SNURF: variants seen among roughly 807,000 people sequenced by gnomAD.
SNURF encodes SNRPN upstream open reading frame, also known as SNURF protein.
Under a neutral mutation model 11.6 loss-of-function variants are expected in SNURF, and 6 were observed. The ratio of observed to expected loss-of-function variants is 0.52; its 90% CI spans 0.28 to 1.02. SNURF has a LOEUF of 1.02. Among genes scored for constraint, SNURF ranks in the 50% least tolerant of loss-of-function variants. The pLI, the probability that SNURF is intolerant of heterozygous loss-of-function variation, is 0.09. For synonymous variants in SNURF, 29 were observed against 31.6 expected, an observed-to-expected ratio of 0.92 and a Z score of 0.27; for missense variants, 84 against 88.4, an observed-to-expected ratio of 0.95 and a Z score of 0.20.
chr15:24,965,426 A>T (rs890947331), intron 2 of SNURF, among the ~76,000 whole-genome samples: 3 of 152,274 alleles, frequency 2.0e-5, no homozygotes, highest in Non-Finnish European at 4.4e-5. Flanking sequence ...AATCCCAGCT[A>T]CTCAGGAGGC....
downstream of SNURF, among the ~76,000 whole-genome samples, chr15:24,972,430 T>C (rs576018728): frequency 1.3e-5 from 2 of 152,284 alleles, no homozygotes; most frequent in South Asian, 4.1e-4. Context: ...GGTCTTTGTT[T>C]GCTTATTTGA....
At chr15:24,957,778 A>G (rs527696853) in intron 1 of SNURF, among the ~76,000 whole-genome samples, 2 of 151,908 alleles carry the variant, frequency 1.3e-5, no homozygotes, top group Non-Finnish European at 2.9e-5. Context: ...TCACATACAT[A>G]TATTTCTTGG....
exon 5 of SNURF, chr15:24,976,387 A>G (rs1191278193): frequency 6.2e-7 from 1 of 1,612,558 alleles, no homozygotes; most frequent in Non-Finnish European, 8.5e-7. Context: ...CTTGGTATCC[A>G]TGACTGTGGA....
intron 1 of SNURF, among the ~76,000 whole-genome samples, chr15:24,955,569 C>G (rs1451087639): frequency 6.8e-6 from 1 of 147,096 alleles, no homozygotes; most frequent in East Asian, 2.0e-4. Flanking sequence ...ATAATAGTGA[C>G]CACTGCGTGG....
At chr15:24,974,137 G>A (rs1215326811) in intron 3 of SNURF, among the ~76,000 whole-genome samples, 1 of 152,240 alleles carries the variant, frequency 6.6e-6, no homozygotes, top group Non-Finnish European at 1.5e-5. Context: ...TGTGTCAAAT[G>A]TGAGAGTTAA....
At chr15:24,966,674 AAGGATGTAT>A (rs1164867114) in intron 2 of SNURF, among the ~76,000 whole-genome samples, 27 of 152,188 alleles carry the variant, frequency 1.8e-4, no homozygotes, top group African/African-American at 5.8e-4. Context: ...GGTAAATTCC[AAGGATGTAT>A]AGGATGTATA....
chr15:24,974,836 G>T (rs1017845484), intron 3 of SNURF: 1 of 686,486 alleles, frequency 1.5e-6, no homozygotes, highest in Non-Finnish European at 2.7e-6. Context: ...TGGGATTACA[G>T]GCATGAGATG....
chr15:24,958,447 G>A (rs1484762045), intron 1 of SNURF, among the ~76,000 whole-genome samples: 3 of 136,284 alleles, frequency 2.2e-5, no homozygotes, highest in Admixed American at 1.5e-4. Context: ...TACTACTTAA[G>A]GTAGCCTCTC....
downstream of SNURF, among the ~76,000 whole-genome samples, chr15:24,971,873 A>G (rs560205622): frequency 6.9e-4 from 105 of 152,208 alleles, no homozygotes; most frequent in Non-Finnish European, 1.2e-3. Context: ...TTTCATCACC[A>G]CAGTAAGATC....
downstream of SNURF, chr15:24,978,170 A>G (rs1359918712): frequency 6.2e-7 from 1 of 1,606,194 alleles, no homozygotes; most frequent in Middle Eastern, 1.7e-4. Context: ...TGAGGCCTTT[A>G]TTTCTACCAT....
intron 2 of SNURF, 68 bp from the exon 3 acceptor site, chr15:24,967,864 C>A: frequency 1.5e-5 from 15 of 1,034,012 alleles, no homozygotes; most frequent in East Asian, 2.9e-5. Flanking sequence ...ACCTAGTTTT[C>A]TTTCATATGG....
chr15:24,972,949 G>A (rs150427992), downstream of SNURF, among the ~76,000 whole-genome samples: 341 of 152,234 alleles, frequency 2.2e-3, no homozygotes, highest in African/African-American at 7.9e-3. Flanking sequence ...GTACAGTGGT[G>A]CCATCTCAGC....
chr15:24,959,439 A>C (rs2153442445), intron 1 of SNURF, among the ~76,000 whole-genome samples: 1 of 152,264 alleles, frequency 6.6e-6, no homozygotes, highest in Middle Eastern at 3.4e-3. Context: ...TTGGGTATTG[A>C]GACCCCGTCT....
chr15:24,955,199 C>T, intron 1 of SNURF, 137 bp downstream of exon 1: 1 of 1,205,474 alleles, frequency 8.3e-7, no homozygotes, highest in Non-Finnish European at 1.2e-6. Flanking sequence ...TTCTGGAGAA[C>T]CAGATCCGGA....
chr15:24,978,677 T>C (rs1267024148), downstream of SNURF: 9 of 565,254 alleles, frequency 1.6e-5, no homozygotes, highest in Non-Finnish European at 2.5e-5. Flanking sequence ...TTGATTCAAA[T>C]CATATTCTCT....
chr15:24,965,403 AG>A (rs1190488093), intron 2 of SNURF, among the ~76,000 whole-genome samples: 1 of 152,052 alleles, frequency 6.6e-6, no homozygotes, highest in Admixed American at 6.6e-5. Context: ...CGGGTGTGGT[AG>A]TGTGCACCTG....
intron 2 of SNURF, among the ~76,000 whole-genome samples, chr15:24,964,465 T>A (rs766687309): frequency 6.6e-6 from 1 of 152,056 alleles, no homozygotes; most frequent in East Asian, 1.9e-4. Context: ...GCTAATTTTG[T>A]ATTTTTTTAG....
At chr15:24,973,244 G>C (rs562823988), downstream of SNURF, among the ~76,000 whole-genome samples, 17 of 152,242 alleles carry the variant, frequency 1.1e-4, no homozygotes, top group South Asian at 1.9e-3. Context: ...ATAGTAACAT[G>C]ATATACAGGT....
exon 2 of SNURF, chr15:24,962,183 A>G (rs2074940645): frequency 6.2e-7 from 1 of 1,614,040 alleles, no homozygotes; most frequent in Non-Finnish European, 8.5e-7. Flanking sequence ...TCAAACGCAG[A>G]AGGACTGCCT....
Sources: allele counts gnomAD v4.1 joint callset (sites outside exome capture counted in the v4.1 genomes callset), GRCh38; gene constraint gnomAD v4.1.1; transcripts MANE v1.5; gene names NCBI Gene and HGNC (gene_info 2026-07-23, HGNC 2026-07-21).